DPYD: variants seen among roughly 807,000 people sequenced by gnomAD.
The protein encoded by DPYD is dihydropyrimidine dehydrogenase [NADP(+)].
In DPYD, 109 loss-of-function variants were observed where a neutral mutation model predicts 116.2. The ratio of observed to expected loss-of-function variants is 0.94; its 90% CI spans 0.80 to 1.10. The LOEUF (loss-of-function observed/expected upper bound fraction) is 1.10. Among genes scored for constraint, DPYD ranks in the 50% least tolerant of loss-of-function variants. The pLI, the probability that DPYD is intolerant of heterozygous loss-of-function variation, is 0.00. For synonymous variants in DPYD, 440 were observed against 432.0 expected (o/e 1.02, Z -0.23); for missense variants, 1,302 against 1,254.5 (o/e 1.04, Z -0.57).
chr1:97,774,167 T>G (rs1666282499), intron 3 of DPYD, among the ~76,000 whole-genome samples: 2 of 152,138 alleles, frequency 1.3e-5, no homozygotes. Flanking sequence ...GCATGCCCTG[T>G]GAGGGGGATA....
At chr1:97,920,602 G>A (rs990625477) in intron 1 of DPYD, among the ~76,000 whole-genome samples, 2 of 152,302 alleles carry the variant, frequency 1.3e-5, no homozygotes, top group East Asian at 3.9e-4. Context: ...GACATTCAGA[G>A]GAGGACAAGA....
chr1:97,092,356 AT>A (rs1649953044), intron 21 of DPYD, among the ~76,000 whole-genome samples: 1 of 152,178 alleles, frequency 6.6e-6, no homozygotes, highest in South Asian at 2.1e-4. Flanking sequence ...TAGAGGTGGA[AT>A]TTCATTGATT....
chr1:97,119,307 C>T lies in DPYD; in HGVS notation c.2623-20675G>A, dbSNP rs141531550. Among the ~76,000 whole-genome samples, 294 of 152,256 alleles carry T rather than the reference C, an allele frequency of 1.9e-3. 6 individuals carry two copies. The East Asian group carries it at 0.033, about 17-fold the overall frequency. Reference sequence around the variant, plus strand: ...GCTAGAAAACCATTCAAAGCAATGACATGGAAATTAGCACACGAGTGTCCC... The same window carrying T: ...GCTAGAAAACCATTCAAAGCAATGATATGGAAATTAGCACACGAGTGTCCC... On this transcript the variant is annotated intron_variant, in intron 20 of 22. Transcript: ENST00000370192.
intron 8 of DPYD, among the ~76,000 whole-genome samples, chr1:97,639,675 C>T (rs1481986265): frequency 6.6e-6 from 1 of 152,016 alleles, no homozygotes. Flanking sequence ...GAAGCTGGGT[C>T]CTTCAGCGTT....
At chr1:97,274,486 C>T (rs947907224) in intron 18 of DPYD, among the ~76,000 whole-genome samples, 2 of 152,148 alleles carry the variant, frequency 1.3e-5, no homozygotes, top group African/African-American at 4.8e-5. Flanking sequence ...GATGCCAGCA[C>T]TATGCTTCTT....
chr1:97,783,117 G>T (rs1666847455), intron 3 of DPYD, among the ~76,000 whole-genome samples: 1 of 152,112 alleles, frequency 6.6e-6, no homozygotes, highest in African/African-American at 2.4e-5. Context: ...GAACAGAAAA[G>T]GATAAAAAAT....
In DPYD at chr1:97,093,956, G is replaced by A. The variant is rs1650056770; in HGVS notation, c.2766+4533C>T. 3.3e-5 allele frequency among the ~76,000 whole-genome samples: 5 copies of A among 151,818 alleles called. No homozygotes were observed. In the South Asian group the frequency reaches 8.3e-4, roughly 25 times the overall value. On this transcript the variant is annotated intron_variant, in intron 21 of 22. Transcript: ENST00000370192. Reference sequence around the variant, plus strand: ...AATCATGCCCTTTCTGGCAGCTTCAGCTATTCTCTCCCAAACATATGCAAG... The same window carrying A: ...AATCATGCCCTTTCTGGCAGCTTCAACTATTCTCTCCCAAACATATGCAAG...
In DPYD at chr1:97,173,490, A is replaced by C. The variant is rs555679568; in HGVS notation, c.2622+19579T>G. On this transcript the variant is annotated intron_variant, in intron 20 of 22. Coordinates refer to ENST00000370192, the MANE Select transcript of DPYD (RefSeq NM_000110.4). ...ACACACATAATGTGTATATATATAC[A>C]CGCATATATAAAATACACACACAAA... Among the ~76,000 whole-genome samples, 604 of 151,138 alleles carry C rather than the reference A, an allele frequency of 4.0e-3. 3 individuals are homozygous for C. Among genetic ancestry groups the C allele is most frequent in the African/African-American group, 0.014 (565 of 41,188 alleles).
intron 20 of DPYD, among the ~76,000 whole-genome samples, chr1:97,157,481 G>C (rs1557899682): frequency 6.6e-6 from 1 of 151,872 alleles, no homozygotes; most frequent in Admixed American, 6.6e-5. Flanking sequence ...TTTTATTACC[G>C]ACCCCTGAGG....
chr1:97,498,486 T>C (rs898435417), intron 13 of DPYD, among the ~76,000 whole-genome samples: 5 of 118,618 alleles, frequency 4.2e-5, no homozygotes, highest in African/African-American at 1.5e-4. Flanking sequence ...CTCTCTCTCT[T>C]TCTCTGTGTG....
intron 7 of DPYD, among the ~76,000 whole-genome samples, chr1:97,690,561 A>T (rs1032102373): frequency 6.6e-5 from 10 of 152,098 alleles, no homozygotes; most frequent in Non-Finnish European, 1.3e-4. Context: ...TTGTGTTGGG[A>T]ACATTCATCT....
intron 20 of DPYD, among the ~76,000 whole-genome samples, chr1:97,156,290 C>G (rs1226327333): frequency 1.3e-5 from 2 of 152,070 alleles, no homozygotes; most frequent in Middle Eastern, 3.2e-3. Flanking sequence ...AAAATACAAA[C>G]TGCATTCTTT....
chr1:97,784,291 T>C (rs1376936712), intron 3 of DPYD, among the ~76,000 whole-genome samples: 1 of 151,972 alleles, frequency 6.6e-6, no homozygotes, highest in Admixed American at 6.6e-5. Context: ...AAATTACTCT[T>C]ACAGTGTAAA....
At position 97,740,348 on chromosome 1, in the gene DPYD, T is replaced by C. The variant is rs766120838; in HGVS notation, c.321+44A>G. 5 of 1,503,266 alleles carry C rather than the reference T, an allele frequency of 3.3e-6. No homozygotes were observed. The South Asian group carries it at 3.4e-5, about 10-fold the overall frequency. 93.1% of individuals were successfully genotyped at this position (1,503,266 alleles called of 1,614,324 possible). On this transcript the variant is annotated intron_variant, in intron 4 of 22. Coordinates refer to ENST00000370192, the MANE Select transcript of DPYD (RefSeq NM_000110.4). ...TACCCACAGATAATAGAGAACAAGA[T>C]CAAATACTGTTATTTTCATTTGCAG...
chr1:97,534,953 G>T (rs559811484), intron 12 of DPYD, among the ~76,000 whole-genome samples: 15 of 152,100 alleles, frequency 9.9e-5, no homozygotes, highest in South Asian at 2.1e-4. Flanking sequence ...AAAATGATGA[G>T]GTTCAAGATA....
chr1:97,616,990 A>T (rs1191637712), intron 8 of DPYD, among the ~76,000 whole-genome samples: 1 of 152,016 alleles, frequency 6.6e-6, no homozygotes, highest in Non-Finnish European at 1.5e-5. Flanking sequence ...GGTTCAAGTG[A>T]TTCTACTGCA....
intron 19 of DPYD, among the ~76,000 whole-genome samples, chr1:97,219,752 G>A (rs761086683): frequency 3.0e-4 from 45 of 152,214 alleles, no homozygotes; most frequent in Non-Finnish European, 1.0e-4. Context: ...GAAAGCGACA[G>A]CTGGTGTGGT....
intron 16 of DPYD, among the ~76,000 whole-genome samples, chr1:97,320,316 T>C (rs1477537131): frequency 7.4e-4 from 93 of 125,248 alleles, no homozygotes; most frequent in African/African-American, 2.6e-3. Context: ...GACGACATGA[T>C]TGTTTATCTA....
chr1:97,711,518 G>A (rs1662283489), intron 5 of DPYD, among the ~76,000 whole-genome samples: 1 of 151,904 alleles, frequency 6.6e-6, no homozygotes, highest in South Asian at 2.1e-4. Context: ...AAAATCCTAA[G>A]TTGAATCATT....
Sources: gnomAD v4.1 joint callset for allele counts (sites outside exome capture counted in the v4.1 genomes callset) on GRCh38, gnomAD v4.1.1 for gene constraint, MANE v1.5 for transcripts, NCBI Gene and HGNC (gene_info 2026-07-23, HGNC 2026-07-21) for gene names.